The following SZT2 variants were observed in gnomAD, a reference collection of about 807,000 sequenced individuals.
SZT2 encodes the protein SZT2 subunit of KICSTOR complex.
In SZT2, 216 loss-of-function variants were observed where a neutral mutation model predicts 404.2. The ratio of observed to expected loss-of-function variants is 0.53; its 90% CI spans 0.48 to 0.60. SZT2 has a LOEUF of 0.60. Ranked by LOEUF, SZT2 falls within the 20% of genes least tolerant of loss-of-function variation. The pLI is 0.00. For missense variants in SZT2, 3,857 were observed against 4,459.2 expected (o/e 0.86, Z 3.85); for synonymous variants, 1,693 against 1,749.9 (o/e 0.97, Z 0.81).
intron 4 of SZT2, chr1:43,405,393 C>T (rs1650182287): frequency 6.6e-6 from 1 of 152,132 alleles, no homozygotes; most frequent in Non-Finnish European, 1.5e-5. Context: ...TTATCCAGCA[C>T]TCAAGGAGGC....
Position 43,430,042 on chromosome 1 carries a change from TC to T in SZT2, c.4342del (p.Arg1448AlafsTer28). 6.2e-7 allele frequency: 1 copy of T among 1,614,110 alleles called. No homozygotes were observed. The highest frequency in any genetic ancestry group is 8.5e-7 in the Non-Finnish European group (1 of 1,180,024). On this transcript the variant is annotated frameshift_variant, in exon 30 of 72. Transcript: ENST00000634258. LOFTEE classifies it high-confidence loss of function. ...EKFLEISRLH[F>X]RTVPSNPHYF... The stretch of plus-strand genomic sequence containing the variant: ...TTCCTAGAGATCAGTCGTCTCCACT[TC>T]CGCACAGTGCCTTCCAATCCCCACT...
At position 43,427,336 on chromosome 1, in the gene SZT2, G is replaced by A. The variant is rs149793909; in HGVS notation, c.3489G>A (p.Lys1163=). Residue 1163 remains lysine (K), a synonymous_variant, in exon 25 of 72, where the codon AAG becomes AAA. Coordinates refer to ENST00000634258, the MANE Select transcript of SZT2 (RefSeq NM_001365999.1). Reference sequence around the variant, plus strand: ...AGGGACCCCCTCAAGAGGAGACAAAGCCTAAGTTTGGGGATTGGAGTGGGG... The same window carrying A: ...AGGGACCCCCTCAAGAGGAGACAAAACCTAAGTTTGGGGATTGGAGTGGGG... ...GLEGPPQEET[K]PKFGDWSGAP... 9.6e-5 allele frequency: 155 copies of A among 1,613,882 alleles called. No individual in the cohort carries two copies. Among genetic ancestry groups the A allele is most frequent in the Non-Finnish European group, 1.2e-4 (145 of 1,179,966 alleles).
chr1:43,435,657 C>A (rs925895244), intron 42 of SZT2: 2 of 211,366 alleles, frequency 9.5e-6, no homozygotes, highest in Non-Finnish European at 9.5e-6. Flanking sequence ...AAAATAGATA[C>A]GGCAGTAACT....
Position 43,446,783 on chromosome 1 carries a change from G to C in SZT2, c.9073-172G>C, listed in dbSNP as rs143974011. 689 of 674,292 alleles carry C rather than the reference G, an allele frequency of 1.0e-3. 4 individuals are homozygous for C. In the African/African-American group the frequency reaches 0.011, roughly 11 times the overall value. The allele number at this position is 674,292 out of a possible 1,614,324, so 41.8% of individuals were successfully genotyped here. ...GATAGTTACAATACAGTATGAAAAA[G>C]GGAGGCTAGAATGGGGAGGCCTTCC... On this transcript the variant is annotated intron_variant, in intron 65 of 71. Transcript: ENST00000634258.
In SZT2 at chr1:43,453,093, G is replaced by A; in HGVS notation, c.*2613G>A. ...GCCTACCCTGCTCCCACAGCTTCCTGGAATAGGCCTGTCCTCAAATGCATC... is the reference window on the plus strand; with the variant it reads ...GCCTACCCTGCTCCCACAGCTTCCTAGAATAGGCCTGTCCTCAAATGCATC... On this transcript the variant is annotated 3_prime_UTR_variant, in exon 72 of 72. Coordinates refer to ENST00000634258, the MANE Select transcript of SZT2 (RefSeq NM_001365999.1). 1 of 798,298 alleles carries A rather than the reference G, an allele frequency of 1.3e-6. No homozygotes were observed. Among genetic ancestry groups the A allele is most frequent in the Non-Finnish European group, 2.2e-6 (1 of 461,056 alleles). 49.5% of individuals were successfully genotyped at this position (798,298 alleles called of 1,614,324 possible).
chr1:43,415,946 G>T lies in SZT2; in HGVS notation c.631-14G>T. 6.3e-7 allele frequency: 1 copy of T among 1,593,136 alleles called. No individual in the cohort carries two copies. Among genetic ancestry groups the T allele is most frequent in the Non-Finnish European group, 8.5e-7 (1 of 1,177,462 alleles). On this transcript the variant is annotated splice_polypyrimidine_tract_variant and intron_variant, in intron 5 of 71. Transcript: ENST00000634258. ...CCATCTGCCCCATTCTGTCTTTTCT[G>T]TAACTTGGGGCAGGCAGAAGACCAG...
rs763237826 is a variant in SZT2, at chr1:43,422,520, C to T, written c.1810C>T (p.Arg604Cys). 3.1e-6 allele frequency: 5 copies of T among 1,597,108 alleles called. No individual in the cohort carries two copies. Among genetic ancestry groups the T allele is most frequent in the African/African-American group, 1.3e-5 (1 of 74,990 alleles). ...CTTGCACACCCCGGGCAGCAATGGG[C>T]GCTACAGCACTATCCAGTGCAGGAT... ...KHLHTPGSNG[R>C]YSTIQCRISH... The change falls in exon 13 of 72, where the codon CGC becomes TGC. Residue 604 changes from arginine to cysteine, a missense_variant. Coordinates refer to ENST00000634258, the MANE Select transcript of SZT2 (RefSeq NM_001365999.1).
Position 43,431,105 on chromosome 1 carries a change from T to C in SZT2, c.4916+15T>C, listed in dbSNP as rs1171920571. 1 of 1,610,880 alleles carries C rather than the reference T, an allele frequency of 6.2e-7. No homozygotes were observed. Among genetic ancestry groups the C allele is most frequent in the Non-Finnish European group, 8.5e-7 (1 of 1,178,860 alleles). The stretch of plus-strand genomic sequence containing the variant: ...CAGCACCACCGGTGTGGCAGCAAGT[T>C]TGGTGGGGGGTTTGGGACCTTTTTA... On this transcript the variant is annotated intron_variant, in intron 33 of 71. Coordinates refer to ENST00000634258, the MANE Select transcript of SZT2 (RefSeq NM_001365999.1).
At position 43,426,840 on chromosome 1, in the gene SZT2, G is replaced by C; in HGVS notation, c.3309+31G>C. 3.7e-6 allele frequency: 6 copies of C among 1,606,018 alleles called. No individual in the cohort carries two copies. Among genetic ancestry groups the C allele is most frequent in the Non-Finnish European group, 4.3e-6 (5 of 1,173,928 alleles). On this transcript the variant is annotated intron_variant, in intron 23 of 71. Transcript: ENST00000634258. This position sits in a 1 kb window ranked among gnomAD's most constrained non-coding sequence, Gnocchi z 4.9. ...CACCGATTCTTCTCCCTGAGCCCTT[G>C]TCACACTGACCTCCTTCCAGCACCA...
At position 43,427,114 on chromosome 1, in the gene SZT2, G is replaced by A. The variant is rs138477355; in HGVS notation, c.3368G>A (p.Arg1123His). 7.2e-5 allele frequency: 117 copies of A among 1,613,842 alleles called. 1 individual carries two copies. In the African/African-American group the frequency reaches 7.7e-4, roughly 11 times the overall value. ...PLISAQPPQW[R>H]CYARLVNPQH... is the part of the protein sequence containing the mutation. ...ATCTCTGCCCAGCCCCCTCAGTGGC[G>A]CTGCTATGCAAGGCTTGTGAACCCC... The change falls in exon 24 of 72, where the codon CGC (arginine) becomes CAC (histidine). Residue 1123 changes from arginine to histidine, a missense_variant. Transcript: ENST00000634258.
In SZT2 at chr1:43,453,600, G is replaced by A. The variant is rs955607259; in HGVS notation, c.*3120G>A. On this transcript the variant is annotated 3_prime_UTR_variant, in exon 72 of 72. Coordinates refer to ENST00000634258, the MANE Select transcript of SZT2 (RefSeq NM_001365999.1). The stretch of plus-strand genomic sequence containing the variant: ...CCTCCCGGCCCGCGACGCACCCGGG[G>A]GCGTGTTGATCAGTACAAGCCGCAG... 3 of 1,526,438 alleles carry A rather than the reference G, an allele frequency of 2.0e-6. No homozygotes were observed. The African/African-American group carries it at 4.2e-5, about 21-fold the overall frequency. The allele number at this position is 1,526,438 out of a possible 1,614,324, so 94.6% of individuals were successfully genotyped here.
chr1:43,442,674 G>GA lies in SZT2; in HGVS notation c.8151+61dup. On this transcript the variant is annotated intron_variant, in intron 58 of 71. Transcript: ENST00000634258. This position sits in a 1 kb window ranked among gnomAD's most constrained non-coding sequence, Gnocchi z 4.5. The stretch of plus-strand genomic sequence containing the variant: ...TTGGCTACTGAGGGGTCAGTTAAAG[G>GA]AAAAACCAGCTCAGAAGCCAGAAAG... 6.5e-7 allele frequency: 1 copy of GA among 1,541,274 alleles called. No individual in the cohort carries two copies.
chr1:43,438,962 G>A lies in SZT2; in HGVS notation c.6661G>A (p.Val2221Met), dbSNP rs370788218. 31 of 1,614,034 alleles carry A rather than the reference G, an allele frequency of 1.9e-5. 1 individual carries two copies. In the African/African-American group the frequency reaches 3.3e-4, roughly 17 times the overall value. Residue 2221 changes from valine (V) to methionine (M), a missense_variant, in exon 48 of 72, where the codon GTG (valine) becomes ATG (methionine). Physicochemically the swap from Val to Met is conservative, Grantham distance 21 (BLOSUM62 1). Transcript: ENST00000634258. ...IQPPGSLPSE[V>M]LHLALPTSCR... ...GCCCCCTGGAAGTCTCCCCTCAGAGGTGCTGCATCTGGCCCTACCCACCTC... is the reference window on the plus strand; with the variant it reads ...GCCCCCTGGAAGTCTCCCCTCAGAGATGCTGCATCTGGCCCTACCCACCTC...
rs1360146207 is a variant in SZT2 at position 43,433,181 on chromosome 1, C to T, written c.5795C>T (p.Ala1932Val). Reference protein sequence around the residue: ...RVLQDRVEVYAHARSLIREDG... With the variant: ...RVLQDRVEVYVHARSLIREDG... ...CTGCAGGACCGTGTGGAAGTGTATG[C>T]ACATGCACGGTAAGTAGAAGCCAGG... The change falls in exon 40 of 72, where the codon GCA becomes GTA. Residue 1932 changes from alanine to valine, a missense_variant. Physicochemically the swap from Ala to Val is moderately conservative, Grantham distance 64. Around this residue, in one of 7 missense-constraint regions of SZT2, gnomAD observed 1,725 missense variants for 1,881.0 expected, o/e 0.92. Transcript: ENST00000634258. 5 of 1,613,544 alleles carry T rather than the reference C, an allele frequency of 3.1e-6. No individual in the cohort carries two copies. The highest frequency in any genetic ancestry group is 4.2e-6 in the Non-Finnish European group (5 of 1,179,968).
rs1176587041 is a variant in SZT2, at chr1:43,431,088, C to T, written c.4914C>T (p.His1638=). Residue 1638 remains histidine (H), a splice_region_variant and synonymous_variant, in exon 33 of 72, where the codon CAC becomes CAT. Transcript: ENST00000634258. The stretch of plus-strand genomic sequence containing the variant: ...CCACGGCCTCGGACCCTCAGCACCA[C>T]CGGTGTGGCAGCAAGTTTGGTGGGG... ...ELPTASDPQH[H]RSTSESSASF... is the part of the protein sequence containing the mutation. 6.2e-7 allele frequency: 1 copy of T among 1,612,134 alleles called. No homozygotes were observed. The highest frequency in any genetic ancestry group is 2.2e-5 in the East Asian group (1 of 44,872).
chr1:43,403,829 A>C, intron 3 of SZT2, 55 bp downstream of exon 3: 1 of 1,587,804 alleles, frequency 6.3e-7, no homozygotes, highest in South Asian at 1.1e-5. Flanking sequence ...GTGTGAGGAG[A>C]GGGAGAGGCC....
rs1570513799 is a variant in SZT2, at chr1:43,389,978, G to A, written c.10G>A (p.Glu4Lys). The A allele has an allele frequency of 7.1e-7, 1 of 1,399,294 alleles. No homozygotes were observed. Among genetic ancestry groups the A allele is most frequent in the South Asian group, 1.5e-5 (1 of 65,996 alleles). 86.7% of individuals were successfully genotyped at this position (1,399,294 alleles called of 1,614,324 possible). A position where few individuals can be genotyped will look rare whatever the true frequency, so the allele number is the denominator to read the frequency against. Reference protein sequence around the residue: MASERPEPEVEEAG... With the variant: MASKRPEPEVEEAG... ...GCGGGAGGGCTGTGTGATGGCCTCG[G>A]AGCGCCCGGAGCCGGAGGTGAGGGG... The change falls in exon 1 of 72, where the codon GAG (glutamate) becomes AAG (lysine). Residue 4 changes from glutamate to lysine, a missense_variant. This residue lies in a region of SZT2 where 536 missense variants were observed against 637.4 expected (regional missense o/e 0.84). Coordinates refer to ENST00000634258, the MANE Select transcript of SZT2 (RefSeq NM_001365999.1).
chr1:43,435,359 A>G, intron 42 of SZT2, 30 bp downstream of exon 42: 4 of 1,612,488 alleles, frequency 2.5e-6, no homozygotes, highest in Non-Finnish European at 3.4e-6. Flanking sequence ...CCTCCCTCAC[A>G]AGGCAGTGCT....
At chr1:43,434,342 C>T in intron 40 of SZT2, 44 bp from the exon 41 acceptor site, 2 of 1,510,794 alleles carry the variant, frequency 1.3e-6, no homozygotes, top group African/African-American at 1.4e-5. Flanking sequence ...TTACATATAA[C>T]TCCTCCCCAC....
Sources: gnomAD v4.1 joint callset for allele counts on GRCh38, gnomAD v4.1.1 for gene constraint, gnomAD v4.1.1 regional missense constraint, Gnocchi (gnomAD v3.1) non-coding constraint, MANE v1.5 for transcripts, NCBI Gene and HGNC (gene_info 2026-07-23, HGNC 2026-07-21) for gene names.